The following KMT2D variants were observed in gnomAD, a reference collection of about 807,000 sequenced individuals.
KMT2D encodes histone-lysine N-methyltransferase 2D.
In KMT2D, 55 loss-of-function variants were observed where a neutral mutation model predicts 512.7. That is an observed-to-expected ratio of 0.11 (90% CI 0.09 to 0.13). The LOEUF (loss-of-function observed/expected upper bound fraction) is 0.13, where lower values mean the gene tolerates loss of function less well. KMT2D is among the 10% of genes least tolerant of loss of function. The probability of loss-of-function intolerance (pLI) is 1.00; values close to 1 mark genes in which losing one functional copy is unlikely to be tolerated. For synonymous variants in KMT2D, 2,995 were observed against 2,904.0 expected (o/e 1.03, Z -1.01); for missense variants, 6,061 against 7,127.9 (o/e 0.85, Z 5.39).
At chr12:49,035,208 T>C (rs1943165952) in intron 35 of KMT2D, among the ~76,000 whole-genome samples, 1 of 152,242 alleles carries the variant, frequency 6.6e-6, no homozygotes, top group African/African-American at 2.4e-5. Flanking sequence ...TTTACCCTTT[T>C]ATTTGATACA....
chr12:49,019,118 G>T lies in KMT2D; in HGVS notation c.*2662C>A, dbSNP rs1290064692. 6.0e-6 allele frequency: 7 copies of T among 1,166,502 alleles called. No individual in the cohort carries two copies. Among genetic ancestry groups the T allele is most frequent in the Non-Finnish European group, 7.4e-6 (7 of 941,188 alleles). The allele number at this position is 1,166,502 out of a possible 1,614,324, so 72.3% of individuals were successfully genotyped here. A position where few individuals can be genotyped will look rare whatever the true frequency, so the allele number is the denominator to read the frequency against. ...GATACAAAACATGCCAAGGACAGGGGCGCTGAGGGTGGAGGGAGAGAGGGC... is the reference window on the plus strand; with the variant it reads ...GATACAAAACATGCCAAGGACAGGGTCGCTGAGGGTGGAGGGAGAGAGGGC... On this transcript the variant is annotated 3_prime_UTR_variant, in exon 55 of 55. Coordinates refer to ENST00000301067, the MANE Select transcript of KMT2D (RefSeq NM_003482.4).
Position 49,038,449 on chromosome 12 carries a change from C to T in KMT2D, c.8907G>A (p.Ser2969=), listed in dbSNP as rs774595668. ...GATTGGGGCGGCCAAGCTCAGTGCTCGACGGGGGCCGGTTGACCAGCTCCA... is the reference window on the plus strand; with the variant it reads ...GATTGGGGCGGCCAAGCTCAGTGCTTGACGGGGGCCGGTTGACCAGCTCCA... ...TGLELVNRPP[S]STELGRPNPL... is the part of the protein sequence containing the mutation. Residue 2969 remains serine, a synonymous_variant, in exon 35 of 55, where the codon TCG becomes TCA. Transcript: ENST00000301067. The surrounding 1 kb of genome is among the most constrained non-coding windows in gnomAD (Gnocchi z 5.7). 5.9e-5 allele frequency: 95 copies of T among 1,609,662 alleles called. 1 individual carries two copies. The East Asian group carries it at 6.0e-4, about 10-fold the overall frequency.
rs398123754 is a variant in KMT2D, at chr12:49,041,071, G to A, written c.6699C>T (p.Thr2233=). 8.5e-6 allele frequency: 13 copies of A among 1,536,922 alleles called. No individual in the cohort carries two copies. The highest frequency in any genetic ancestry group is 1.0e-5 in the Non-Finnish European group (12 of 1,143,622). Reference sequence around the variant, plus strand: ...CAGGTGTGGAGGGCTGGTGTCTGGGGGTGCCAGGTGGGGTAGTGTGGAATT... The same window carrying A: ...CAGGTGTGGAGGGCTGGTGTCTGGGAGTGCCAGGTGGGGTAGTGTGGAATT... ...PGEFHTTPPG[T]PRHQPSTPDP... Residue 2233 remains threonine (T), a synonymous_variant, in exon 32 of 55, where the codon ACC becomes ACT. Transcript: ENST00000301067. The surrounding 1 kb of genome is among the most constrained non-coding windows in gnomAD (Gnocchi z 5.4).
chr12:49,060,238 GC>G lies in KMT2D; in HGVS notation c.-664del, dbSNP rs1326461019. Among the ~76,000 whole-genome samples the G allele has an allele frequency of 6.6e-6, 1 of 152,046 alleles. No homozygotes were observed. Among genetic ancestry groups the G allele is most frequent in the Non-Finnish European group, 1.5e-5 (1 of 67,966 alleles). On this transcript the variant is annotated 5_prime_UTR_variant, in exon 1 of 55. Coordinates refer to ENST00000301067, the MANE Select transcript of KMT2D (RefSeq NM_003482.4). ...TCTCGACCCCGAGCGCTCACCCTCG[GC>G]GGCTTCGAGCCCCCCACCTTCTGCT...
intron 51 of KMT2D, among the ~76,000 whole-genome samples, chr12:49,023,725 G>C (rs956077063): frequency 6.6e-6 from 1 of 152,168 alleles, no homozygotes; most frequent in Non-Finnish European, 1.5e-5. Context: ...CAGTTTAAGT[G>C]ATCCAGGACT....
Position 49,040,793 on chromosome 12 carries a change from A to G in KMT2D, c.6977T>C (p.Val2326Ala), listed in dbSNP as rs2120535095. The G allele has an allele frequency of 3.7e-6, 6 of 1,613,564 alleles. No individual in the cohort carries two copies. Among genetic ancestry groups the G allele is most frequent in the Non-Finnish European group, 4.2e-6 (5 of 1,179,702 alleles). The change falls in exon 32 of 55, where the codon GTC (valine) becomes GCC (alanine). Residue 2326 changes from valine to alanine, a missense_variant. Transcript: ENST00000301067. ...LGGLELKTPDVFKAPLTPRAS... is the reference protein window; with the variant it reads ...LGGLELKTPDAFKAPLTPRAS... ...CCGAGGGGTCAGGGGGGCTTTGAAG[A>G]CATCAGGTGTCTTTAACTCCAGGCC...
rs2120430758 is a variant in KMT2D, at chr12:49,032,371, C to T, written c.12334G>A (p.Gly4112Ser). 6.2e-7 allele frequency: 1 copy of T among 1,612,202 alleles called. No homozygotes were observed. Among genetic ancestry groups the T allele is most frequent in the South Asian group, 1.1e-5 (1 of 90,834 alleles). The change falls in exon 40 of 55, where the codon GGT (glycine) becomes AGT (serine). Residue 4112 changes from glycine (G) to serine (S), a missense_variant. Transcript: ENST00000301067. ...CCTAGCTGCCCATGGCTTCCTCCAC[C>T]TGCTGTGTGGAGCAGGCTAACTTGC... Reference protein sequence around the residue: ...QQQVSLLHTAGGGSHGQLGSG... With the variant: ...QQQVSLLHTASGGSHGQLGSG...
Position 49,022,587 on chromosome 12 carries a change from T to C in KMT2D, c.16338+3A>G. 6.2e-7 allele frequency: 1 copy of C among 1,612,990 alleles called. No individual in the cohort carries two copies. Among genetic ancestry groups the C allele is most frequent in the South Asian group, 1.1e-5 (1 of 91,016 alleles). On this transcript the variant is annotated splice_donor_region_variant and intron_variant, in intron 52 of 54. Coordinates refer to ENST00000301067, the MANE Select transcript of KMT2D (RefSeq NM_003482.4). This position sits in a 1 kb window ranked among gnomAD's most constrained non-coding sequence, Gnocchi z 8.6. Reference sequence around the variant, plus strand: ...CCACAATGGCCCCTCTGCCAGCTCATACCTGCTCTTCGTAGATTTTCTCCC... The same window carrying C: ...CCACAATGGCCCCTCTGCCAGCTCACACCTGCTCTTCGTAGATTTTCTCCC...
At position 49,052,898 on chromosome 12, in the gene KMT2D, C is replaced by A; in HGVS notation, c.1112+17G>T. The A allele has an allele frequency of 6.2e-7, 1 of 1,612,952 alleles. No homozygotes were observed. The highest frequency in any genetic ancestry group is 8.5e-7 in the Non-Finnish European group (1 of 1,179,058). On this transcript the variant is annotated intron_variant, in intron 9 of 54. Coordinates refer to ENST00000301067, the MANE Select transcript of KMT2D (RefSeq NM_003482.4). ...TCCAACCTGCCAGCCCAATCTCAGT[C>A]AGTCCCCACCACTTACCTGCTACAC...
At position 49,050,973 on chromosome 12, in the gene KMT2D, C is replaced by G. The variant is rs2120660961; in HGVS notation, c.2710G>C (p.Gly904Arg). 2 of 1,562,270 alleles carry G rather than the reference C, an allele frequency of 1.3e-6. No individual in the cohort carries two copies. Residue 904 changes from glycine (G) to arginine (R), a missense_variant, in exon 11 of 55, where the codon GGG becomes CGG. By Grantham distance (125) the Gly-to-Arg change is moderately radical. Coordinates refer to ENST00000301067, the MANE Select transcript of KMT2D (RefSeq NM_003482.4). ...GGCAGAGGGGACAGAGGTGGTTCCC[C>G]AGGCTCAGACAGGGCTGGCTCTCCA... ...LLGEPALSEP[G>R]EPPLSPLPEE...
rs1938661042 is a variant in KMT2D, at chr12:49,060,169, G to C, written c.-594C>G. ...CGCGAGCTACGGCGACGCGGGGCCGGCGGGGCCGCGGGGCTGAACCTGACA... is the reference window on the plus strand; with the variant it reads ...CGCGAGCTACGGCGACGCGGGGCCGCCGGGGCCGCGGGGCTGAACCTGACA... On this transcript the variant is annotated 5_prime_UTR_variant, in exon 1 of 55. Transcript: ENST00000301067. Among the ~76,000 whole-genome samples the C allele has an allele frequency of 1.3e-5, 2 of 151,420 alleles. No homozygotes were observed. Among genetic ancestry groups the C allele is most frequent in the South Asian group, 4.1e-4 (2 of 4,822 alleles).
In KMT2D at chr12:49,043,722, C is replaced by T. The variant is rs1191445721; in HGVS notation, c.5380G>A (p.Val1794Met). The T allele has an allele frequency of 6.2e-7, 1 of 1,613,732 alleles. No homozygotes were observed. Residue 1794 changes from valine (V) to methionine (M), a missense_variant, in exon 24 of 55, where the codon GTG becomes ATG. By Grantham distance (21) the Val-to-Met change is conservative. Coordinates refer to ENST00000301067, the MANE Select transcript of KMT2D (RefSeq NM_003482.4). ...CCTAGTCCAAAGCTTGGCCGGCCCA[C>T]CCCAACTGCAAAAAGGGCCTTACGG... Reference protein sequence around the residue: ...LSRKALFAVGVGRPSFGLGTP... With the variant: ...LSRKALFAVGMGRPSFGLGTP...
In KMT2D at chr12:49,051,867, A is replaced by C; in HGVS notation, c.1816T>G (p.Ser606Ala). Residue 606 changes from serine (S) to alanine (A), a missense_variant, in exon 11 of 55, where the codon TCT (serine) becomes GCT (alanine). Ser to Ala is a moderately conservative substitution (Grantham distance 99, BLOSUM62 1). Coordinates refer to ENST00000301067, the MANE Select transcript of KMT2D (RefSeq NM_003482.4). Reference sequence around the variant, plus strand: ...TCCTCAGGTGGAGGGGACAGAGGAGACTCTTCAAATGGTGGGAACAGACGA... The same window carrying C: ...TCCTCAGGTGGAGGGGACAGAGGAGCCTCTTCAAATGGTGGGAACAGACGA... The part of the protein sequence containing the change: ...ASRLFPPFEE[S>A]PLSPPPEESP... 8 of 1,607,954 alleles carry C rather than the reference A, an allele frequency of 5.0e-6. No individual in the cohort carries two copies. The highest frequency in any genetic ancestry group is 6.8e-6 in the Non-Finnish European group (8 of 1,178,476).
Position 49,050,288 on chromosome 12 carries a change from G to A in KMT2D, c.3300C>T (p.Asp1100=), listed in dbSNP as rs1259714598. 1 of 1,611,318 alleles carries A rather than the reference G, an allele frequency of 6.2e-7. No individual in the cohort carries two copies. The highest frequency in any genetic ancestry group is 1.3e-5 in the African/African-American group (1 of 74,876). Residue 1100 remains aspartate, a synonymous_variant, in exon 12 of 55, where the codon GAC becomes GAT. Transcript: ENST00000301067. ...ATSPLPSPMG[D]LSCPAPSPAP... ...CAGGGCTGGGGGCGGGGCAGGAAAG[G>A]TCCCCCATTGGGGAAGGGAGAGGAC...
In KMT2D at chr12:49,046,865, G is replaced by A. The variant is rs2120614138; in HGVS notation, c.4237-75C>T. On this transcript the variant is annotated intron_variant, in intron 15 of 54. Coordinates refer to ENST00000301067, the MANE Select transcript of KMT2D (RefSeq NM_003482.4). This position sits in a 1 kb window ranked among gnomAD's most constrained non-coding sequence, Gnocchi z 4.2. ...GAACTTCTTTTTATTTTTTTTTGGA[G>A]ATGGAGTTTTGCTCTTGTTCCCCAG... 7.1e-7 allele frequency: 1 copy of A among 1,405,634 alleles called. No homozygotes were observed. The highest frequency in any genetic ancestry group is 9.7e-7 in the Non-Finnish European group (1 of 1,036,122). The allele number at this position is 1,405,634 out of a possible 1,614,324, so 87.1% of individuals were successfully genotyped here. A position where few individuals can be genotyped will look rare whatever the true frequency, so the allele number is the denominator to read the frequency against.
At position 49,040,733 on chromosome 12, in the gene KMT2D, C is replaced by T. The variant is rs1943473728; in HGVS notation, c.7037G>A (p.Gly2346Asp). The change falls in exon 32 of 55, where the codon GGC (glycine) becomes GAC (aspartate). Residue 2346 changes from glycine to aspartate, a missense_variant. Physicochemically the swap from Gly to Asp is moderately conservative, Grantham distance 94 (BLOSUM62 -1). Transcript: ENST00000301067. ...SQVEPQSPGL[G>D]LRPQEPPPAQ... is the part of the protein sequence containing the mutation. ...AGGGGGTGGCTCCTGGGGCCTTAGG[C>T]CCAAGCCCGGGCTCTGGGGCTCTAC... 1.9e-6 allele frequency: 3 copies of T among 1,613,468 alleles called. No individual in the cohort carries two copies. Among genetic ancestry groups the T allele is most frequent in the Admixed American group, 1.7e-5 (1 of 59,996 alleles).
At position 49,052,985 on chromosome 12, in the gene KMT2D, G is replaced by A. The variant is rs746039927; in HGVS notation, c.1042C>T (p.Arg348Cys). The A allele has an allele frequency of 2.9e-5, 46 of 1,613,894 alleles. 2 individuals are homozygous for A. The South Asian group carries it at 3.5e-4, about 12-fold the overall frequency. Residue 348 changes from arginine to cysteine, a missense_variant, in exon 9 of 55, where the codon CGC (arginine) becomes TGC (cysteine). This residue lies in a region of KMT2D where 848 missense variants were observed against 838.5 expected (regional missense o/e 1.01). Coordinates refer to ENST00000301067, the MANE Select transcript of KMT2D (RefSeq NM_003482.4). ...EWFENYSLCH[R>C]CHKAQGGQTI... ...TGACCTCCCTGGGCTTTGTGACAGC[G>A]GTGACAGAGAGAGTAGTTCTCAAAC...
chr12:49,030,688 T>C lies in KMT2D; in HGVS notation c.13752A>G (p.Pro4584=). The C allele has an allele frequency of 6.2e-7, 1 of 1,613,382 alleles. No individual in the cohort carries two copies. Among genetic ancestry groups the C allele is most frequent in the South Asian group, 1.1e-5 (1 of 91,080 alleles). Residue 4584 remains proline (P), a synonymous_variant, in exon 42 of 55, where the codon CCA becomes CCG. Coordinates refer to ENST00000301067, the MANE Select transcript of KMT2D (RefSeq NM_003482.4). ...SLFAPFGSGC[P]VNGQSQLRGA... Reference sequence around the variant, plus strand: ...CCCTCAGCTGGCTCTGCCCATTGACTGGGCAGCCACTGCCAAAGGGGGCAA... The same window carrying C: ...CCCTCAGCTGGCTCTGCCCATTGACCGGGCAGCCACTGCCAAAGGGGGCAA...
chr12:49,041,114 C>T lies in KMT2D; in HGVS notation c.6656G>A (p.Gly2219Glu), dbSNP rs1221290632. 6.5e-7 allele frequency: 1 copy of T among 1,529,198 alleles called. No homozygotes were observed. Among genetic ancestry groups the T allele is most frequent in the African/African-American group, 1.4e-5 (1 of 71,844 alleles). 94.7% of individuals were successfully genotyped at this position (1,529,198 alleles called of 1,614,324 possible). ...GTGGAATTCCCCTGGCTGGCCAGCC[C>T]CAGGACGAGATGAGGCGCCCAGCAT... is the stretch of plus-strand genomic sequence containing the variant. ...PPMLGASSRP[G>E]AGQPGEFHTT... is the part of the protein sequence containing the mutation. The change falls in exon 32 of 55, where the codon GGG becomes GAG. Residue 2219 changes from glycine (G) to glutamate (E), a missense_variant. Gly to Glu is a moderately conservative substitution (Grantham distance 98). Coordinates refer to ENST00000301067, the MANE Select transcript of KMT2D (RefSeq NM_003482.4). This position sits in a 1 kb window ranked among gnomAD's most constrained non-coding sequence, Gnocchi z 5.4.
Sources: allele counts gnomAD v4.1 joint callset (sites outside exome capture counted in the v4.1 genomes callset), GRCh38; gene constraint gnomAD v4.1.1; regional missense constraint gnomAD v4.1.1; non-coding constraint Gnocchi (gnomAD v3.1); transcripts MANE v1.5; gene names NCBI Gene and HGNC (gene_info 2026-07-23, HGNC 2026-07-21).